Variants in ZBTB10 observed in about 807,000 individuals in gnomAD.
ZBTB10 encodes zinc finger and BTB domain-containing protein 10.
A neutral mutation model predicts 76.4 loss-of-function variants in ZBTB10; 32 were observed. That is an observed-to-expected ratio of 0.42 (90% CI 0.32 to 0.56). ZBTB10 has a LOEUF of 0.56. Among genes scored for constraint, ZBTB10 ranks in the 20% least tolerant of loss-of-function variants. The probability of loss-of-function intolerance (pLI) is 0.14; values close to 1 mark genes in which losing one functional copy is unlikely to be tolerated. For synonymous variants in ZBTB10, 523 were observed against 432.9 expected (o/e 1.21, Z -2.58); for missense variants, 1,057 against 1,098.5 (o/e 0.96, Z 0.53).
rs575821595 is a variant in ZBTB10 at position 80,525,513 on chromosome 8, G to T, written c.*5985G>T. ...ATAAACACAAGACAGTCTTCTTGGCGCAGGTCCTAACAGTTGGTGAGATAA... is the reference window on the plus strand; with the variant it reads ...ATAAACACAAGACAGTCTTCTTGGCTCAGGTCCTAACAGTTGGTGAGATAA... On this transcript the variant is annotated 3_prime_UTR_variant, in exon 6 of 6. Transcript: ENST00000455036. 2 of 152,114 alleles carry T rather than the reference G, an allele frequency of 1.3e-5. No individual in the cohort carries two copies. The highest frequency in any genetic ancestry group is 2.9e-5 in the Non-Finnish European group (2 of 68,016). The allele number at this position is 152,114 out of a possible 1,614,324, so 9.4% of individuals were successfully genotyped here.
At chr8:80,514,178 A>G (rs1279655861) in intron 3 of ZBTB10, among the ~76,000 whole-genome samples, 170 bp downstream of exon 3, 1 of 152,192 alleles carries the variant, frequency 6.6e-6, no homozygotes, top group African/African-American at 2.4e-5. Flanking sequence ...ATGCAAATTG[A>G]TGTTTCCGGT....
In ZBTB10 at chr8:80,509,495, T is replaced by G. The variant is rs58304937; in HGVS notation, c.1862-4415T>G. 5.6e-3 allele frequency among the ~76,000 whole-genome samples: 846 copies of G among 152,316 alleles called. 8 individuals carry two copies. Among genetic ancestry groups the G allele is most frequent in the African/African-American group, 0.018 (764 of 41,580 alleles). On this transcript the variant is annotated intron_variant, in intron 2 of 5. Coordinates refer to ENST00000455036, the MANE Select transcript of ZBTB10 (RefSeq NM_001105539.3). ...GGAAACCTTTCCAACTCAGTCTTGTTTAATTTAGCATTCACAGGCAGGTGC... is the reference window on the plus strand; with the variant it reads ...GGAAACCTTTCCAACTCAGTCTTGTGTAATTTAGCATTCACAGGCAGGTGC...
intron 1 of ZBTB10, among the ~76,000 whole-genome samples, chr8:80,489,021 T>C (rs1815557048): frequency 6.6e-6 from 1 of 151,518 alleles, no homozygotes; most frequent in African/African-American, 2.4e-5. Context: ...GTTGTTGTTT[T>C]GCACACATTT....
chr8:80,513,027 AT>A (rs901369960), intron 2 of ZBTB10, among the ~76,000 whole-genome samples: 4 of 152,158 alleles, frequency 2.6e-5, no homozygotes, highest in African/African-American at 9.6e-5. Context: ...TCTTTTATAT[AT>A]TTTTTGTAAC....
At chr8:80,501,990 A>G (rs1193444204) in intron 2 of ZBTB10, among the ~76,000 whole-genome samples, 1 of 152,218 alleles carries the variant, frequency 6.6e-6, no homozygotes, top group African/African-American at 2.4e-5. Flanking sequence ...TAAAGGAATA[A>G]ATAACATCTT....
At position 80,518,261 on chromosome 8, in the gene ZBTB10, AC is replaced by A. The variant is rs1209126038; in HGVS notation, c.1961-141del. The A allele has an allele frequency of 1.8e-4, 142 of 773,638 alleles. No individual in the cohort carries two copies. In the East Asian group the frequency reaches 3.6e-3, roughly 20 times the overall value. 47.9% of individuals were successfully genotyped at this position (773,638 alleles called of 1,614,324 possible). On this transcript the variant is annotated intron_variant, in intron 3 of 5. Coordinates refer to ENST00000455036, the MANE Select transcript of ZBTB10 (RefSeq NM_001105539.3). ...AAGTAGGAAGACATCTCAATTTTAG[AC>A]TAAAATACAGTTTTATTTAACTCAT...
chr8:80,493,578 A>G (rs1815701163), intron 1 of ZBTB10, among the ~76,000 whole-genome samples: 1 of 151,766 alleles, frequency 6.6e-6, no homozygotes, highest in African/African-American at 2.4e-5. Flanking sequence ...GCACTTCGGG[A>G]GGCCGAGGGG....
upstream of ZBTB10, chr8:80,485,987 C>T (rs1342276233): frequency 1.7e-6 from 2 of 1,148,488 alleles, no homozygotes; most frequent in African/African-American, 1.8e-5. Flanking sequence ...CTCCCTGAGA[C>T]CCCCAGCCCG....
rs1815457911 is a variant in ZBTB10, at chr8:80,486,520, C to G, written c.-291C>G. 1 of 985,790 alleles carries G rather than the reference C, an allele frequency of 1.0e-6. No individual in the cohort carries two copies. Among genetic ancestry groups the G allele is most frequent in the Non-Finnish European group, 1.2e-6 (1 of 830,280 alleles). 61.1% of individuals were successfully genotyped at this position (985,790 alleles called of 1,614,324 possible). A position where few individuals can be genotyped will look rare whatever the true frequency, so the allele number is the denominator to read the frequency against. On this transcript the variant is annotated 5_prime_UTR_variant, in exon 1 of 6. Transcript: ENST00000455036. ...GCTCGCTCCTCACCTCTCCGCCGCC[C>G]GCCCCCTTCTCCGCGCGGGACGCTG...
In ZBTB10 at chr8:80,509,846, G is replaced by C. The variant is rs1402880787; in HGVS notation, c.1862-4064G>C. Among the ~76,000 whole-genome samples the C allele has an allele frequency of 7.2e-5, 11 of 152,126 alleles. No homozygotes were observed. The South Asian group carries it at 2.1e-3, about 29-fold the overall frequency. On this transcript the variant is annotated intron_variant, in intron 2 of 5. Transcript: ENST00000455036. Reference sequence around the variant, plus strand: ...ACCCATGGAGGGAGTGCAGTGGCATGATCATAGCTTGCTGCAGCCTTGAAC... The same window carrying C: ...ACCCATGGAGGGAGTGCAGTGGCATCATCATAGCTTGCTGCAGCCTTGAAC...
intron 2 of ZBTB10, among the ~76,000 whole-genome samples, chr8:80,511,968 C>T (rs959393173): frequency 2.6e-5 from 4 of 151,948 alleles, no homozygotes; most frequent in African/African-American, 9.7e-5. Context: ...TAGGAAAATA[C>T]CTAAATAGTA....
chr8:80,490,928 T>TG (rs1212335467), intron 1 of ZBTB10, among the ~76,000 whole-genome samples: 11 of 152,182 alleles, frequency 7.2e-5, no homozygotes, highest in Admixed American at 7.2e-4. Context: ...AGCGTAAAGT[T>TG]GTAGCGTACT....
At chr8:80,507,998 C>T (rs1816102001) in intron 2 of ZBTB10, among the ~76,000 whole-genome samples, 1 of 152,194 alleles carries the variant, frequency 6.6e-6, no homozygotes, top group Admixed American at 6.5e-5. Flanking sequence ...TGGTAGTAGG[C>T]AACCATATGG....
Position 80,513,902 on chromosome 8 carries a change from C to T in ZBTB10, c.1862-8C>T. 6.2e-7 allele frequency: 1 copy of T among 1,612,004 alleles called. No individual in the cohort carries two copies. The highest frequency in any genetic ancestry group is 8.5e-7 in the Non-Finnish European group (1 of 1,178,832). On this transcript the variant is annotated splice_region_variant and splice_polypyrimidine_tract_variant and intron_variant, in intron 2 of 5. Transcript: ENST00000455036. ...TTGTAGATAAATTTTTCTATGTTTC[C>T]TTTTCAGATTTAGATGGTGCTCTAC... is the stretch of plus-strand genomic sequence containing the variant.
intron 2 of ZBTB10, among the ~76,000 whole-genome samples, chr8:80,509,566 C>T (rs1001055223): frequency 6.6e-6 from 1 of 152,114 alleles, no homozygotes; most frequent in Non-Finnish European, 1.5e-5. Flanking sequence ...GCTAGCCCAC[C>T]GTGATCTAAA....
Position 80,487,322 on chromosome 8 carries a change from A to G in ZBTB10, c.512A>G (p.Lys171Arg), listed in dbSNP as rs1303290900. The G allele has an allele frequency of 1.3e-6, 2 of 1,541,830 alleles. No individual in the cohort carries two copies. Among genetic ancestry groups the G allele is most frequent in the Non-Finnish European group, 1.8e-6 (2 of 1,141,864 alleles). Residue 171 changes from lysine (K) to arginine (R), a missense_variant, in exon 1 of 6, where the codon AAG becomes AGG. Physicochemically the swap from Lys to Arg is conservative, Grantham distance 26 (BLOSUM62 2). Coordinates refer to ENST00000455036, the MANE Select transcript of ZBTB10 (RefSeq NM_001105539.3). ...VDLELDALEG[K>R]ELMQDGASLS... is the part of the protein sequence containing the mutation. ...CTGGAGCTGGACGCGCTGGAGGGGAAGGAGTTGATGCAGGACGGCGCGTCC... is the reference window on the plus strand; with the variant it reads ...CTGGAGCTGGACGCGCTGGAGGGGAGGGAGTTGATGCAGGACGGCGCGTCC...
At position 80,500,090 on chromosome 8, in the gene ZBTB10, C is replaced by G. The variant is rs771403721; in HGVS notation, c.1569C>G (p.Val523=). The G allele has an allele frequency of 6.2e-7, 1 of 1,613,832 alleles. No homozygotes were observed. The highest frequency in any genetic ancestry group is 1.7e-5 in the Admixed American group (1 of 60,002). ...AGATTGAAAATGATGGTTGTAATGTCGACGAGGGCCAAATAGAAAACTACC... is the reference window on the plus strand; with the variant it reads ...AGATTGAAAATGATGGTTGTAATGTGGACGAGGGCCAAATAGAAAACTACC... The part of the protein sequence containing the change: ...NVKIENDGCN[V]DEGQIENYQM... The change falls in exon 2 of 6, where the codon GTC becomes GTG. Residue 523 remains valine, a synonymous_variant. Coordinates refer to ENST00000455036, the MANE Select transcript of ZBTB10 (RefSeq NM_001105539.3).
Position 80,500,146 on chromosome 8 carries a change from G to A in ZBTB10, c.1625G>A (p.Gly542Glu). Residue 542 changes from glycine (G) to glutamate (E), a missense_variant, in exon 2 of 6, where the codon GGA becomes GAA. Physicochemically the swap from Gly to Glu is moderately conservative, Grantham distance 98. Coordinates refer to ENST00000455036, the MANE Select transcript of ZBTB10 (RefSeq NM_001105539.3). ...QMNDSSWVQD[G>E]SPEMAENESE... ...AATGACAGTAGTTGGGTCCAGGATG[G>A]ATCTCCTGAAATGGCTGAAAATGAA... 1 of 1,613,668 alleles carries A rather than the reference G, an allele frequency of 6.2e-7. No individual in the cohort carries two copies. Among genetic ancestry groups the A allele is most frequent in the Non-Finnish European group, 8.5e-7 (1 of 1,179,710 alleles).
chr8:80,494,730 C>CA (rs1167378960), intron 1 of ZBTB10, among the ~76,000 whole-genome samples: 1 of 151,746 alleles, frequency 6.6e-6, no homozygotes, highest in Non-Finnish European at 1.5e-5. Flanking sequence ...CAAGCCTGGG[C>CA]AACACAGGGA....
Sources: allele counts gnomAD v4.1 joint callset (sites outside exome capture counted in the v4.1 genomes callset), GRCh38; gene constraint gnomAD v4.1.1; transcripts MANE v1.5; gene names NCBI Gene and HGNC (gene_info 2026-07-23, HGNC 2026-07-21).